PRCD: variants seen among roughly 807,000 people sequenced by gnomAD.
PRCD encodes photoreceptor disc component, also known as photoreceptor disk component PRCD.
A neutral mutation model predicts 10.1 loss-of-function variants in PRCD; 12 were observed. That is an observed-to-expected ratio of 1.18 (90% CI 0.76 to 1.92). The LOEUF (loss-of-function observed/expected upper bound fraction) is 1.92. Ranked by LOEUF, PRCD falls within the 40% of genes most tolerant of loss-of-function variation. PRCD has a pLI of 0.00. For missense variants in PRCD, 61 were observed against 72.2 expected (o/e 0.84, Z 0.56); for synonymous variants, 31 against 26.2 (o/e 1.18, Z -0.56).
upstream of PRCD, chr17:76,538,445 T>G: frequency 2.2e-6 from 1 of 464,926 alleles, no homozygotes; most frequent in Non-Finnish European, 4.5e-6. Flanking sequence ...CTCCATGCCC[T>G]CGGTGCACGA....
chr17:76,540,175 G>A lies in PRCD; in HGVS notation c.34G>A (p.Ala12Thr), dbSNP rs779911519. The stretch of plus-strand genomic sequence containing the variant: ...CACCCTTTTCCTGCTCAGCACCCTG[G>A]CCATGCTCTGGCGCCGCCGATTTGC... The part of the protein sequence containing the change: ...CTTLFLLSTL[A>T]MLWRRRFANR... The change falls in exon 1 of 5, where the codon GCC (alanine) becomes ACC (threonine). Residue 12 changes from alanine (A) to threonine (T), a missense_variant. By Grantham distance (58) the Ala-to-Thr change is moderately conservative. Coordinates refer to ENST00000592014, the MANE Select transcript of PRCD (RefSeq NM_001077620.3). This position sits in a 1 kb window ranked among gnomAD's most constrained non-coding sequence, Gnocchi z 5.0. 9.4e-6 allele frequency: 15 copies of A among 1,597,190 alleles called. No individual in the cohort carries two copies. The East Asian group carries it at 2.5e-4, about 27-fold the overall frequency.
chr17:76,538,864 A>G (rs893853883), upstream of PRCD, among the ~76,000 whole-genome samples: 13 of 152,264 alleles, frequency 8.5e-5, no homozygotes, highest in African/African-American at 2.7e-4. Flanking sequence ...TCCTCGCTCA[A>G]GACTTGATGT....
Position 76,540,576 on chromosome 17 carries a change from A to G in PRCD, c.143+3A>G, listed in dbSNP as rs1319505764. On this transcript the variant is annotated splice_donor_region_variant and intron_variant, in intron 2 of 4. Transcript: ENST00000592014. This position sits in a 1 kb window ranked among gnomAD's most constrained non-coding sequence, Gnocchi z 5.0. ...GCGGACCCTCAGTCCTCAGGCAGGT[A>G]AGGCAGGAGTCTGGGCTGGGGGAGG... The G allele has an allele frequency of 3.7e-6, 6 of 1,613,032 alleles. No homozygotes were observed. In the African/African-American group the frequency reaches 6.7e-5, roughly 18 times the overall value.
At position 76,533,100 on chromosome 17, in the gene PRCD, C is replaced by T. The variant is rs1404176649; in HGVS notation, n.45+5267C>T. 6.6e-6 allele frequency among the ~76,000 whole-genome samples: 1 copy of T among 152,188 alleles called. No individual in the cohort carries two copies. The highest frequency in any genetic ancestry group is 1.5e-5 in the Non-Finnish European group (1 of 68,032). On this transcript the variant is annotated intron_variant and non_coding_transcript_variant, in intron 1 of 4. Coordinates refer to the PRCD transcript ENST00000397633. The surrounding 1 kb of genome is among the most constrained non-coding windows in gnomAD (Gnocchi z 4.5). ...AACAGATGCGGAGAGGGCATCTGGC[C>T]GGGTCATCCCTGCTGCTGGTGGAAC...
Position 76,530,965 on chromosome 17 carries a change from G to C in PRCD, n.45+3132G>C. The C allele has an allele frequency of 1.3e-6, 2 of 1,565,154 alleles. No homozygotes were observed. The highest frequency in any genetic ancestry group is 1.7e-6 in the Non-Finnish European group (2 of 1,153,362). On this transcript the variant is annotated intron_variant and non_coding_transcript_variant, in intron 1 of 4. Coordinates refer to the PRCD transcript ENST00000397633. This position sits in a 1 kb window ranked among gnomAD's most constrained non-coding sequence, Gnocchi z 6.1. Reference sequence around the variant, plus strand: ...CGGGGAGGCTGCCCAGCCCACCCTCGCCCGCCTCCTCACGTGGTGGCGTTG... The same window carrying C: ...CGGGGAGGCTGCCCAGCCCACCCTCCCCCGCCTCCTCACGTGGTGGCGTTG...
Position 76,528,184 on chromosome 17 carries a change from T to C in PRCD, n.45+351T>C. 1 of 397,292 alleles carries C rather than the reference T, an allele frequency of 2.5e-6. No individual in the cohort carries two copies. The highest frequency in any genetic ancestry group is 4.4e-6 in the Non-Finnish European group (1 of 226,052). 24.6% of individuals were successfully genotyped at this position (397,292 alleles called of 1,614,324 possible). A position where few individuals can be genotyped will look rare whatever the true frequency, so the allele number is the denominator to read the frequency against. ...ATATAGAATATATCTGTATATATGGTAGATGTGTGCGTGATACTCTAGATG... is the reference window on the plus strand; with the variant it reads ...ATATAGAATATATCTGTATATATGGCAGATGTGTGCGTGATACTCTAGATG... On this transcript the variant is annotated intron_variant and non_coding_transcript_variant, in intron 1 of 4. Coordinates refer to the PRCD transcript ENST00000397633. The surrounding 1 kb of genome is among the most constrained non-coding windows in gnomAD (Gnocchi z 5.8).
rs2143075057 is a variant in PRCD, at chr17:76,530,278, T to C, written n.45+2445T>C. ...CCCTTGGGGGCCCAGGGAGGCCGAG[T>C]GTTCCCAACCGCCACATCTGGGGGC... is the stretch of plus-strand genomic sequence containing the variant. On this transcript the variant is annotated intron_variant and non_coding_transcript_variant, in intron 1 of 4. Transcript: ENST00000397633. The surrounding 1 kb of genome is among the most constrained non-coding windows in gnomAD (Gnocchi z 6.1). 6.6e-6 allele frequency among the ~76,000 whole-genome samples: 1 copy of C among 151,526 alleles called. No homozygotes were observed. The highest frequency in any genetic ancestry group is 6.6e-5 in the Admixed American group (1 of 15,224).
chr17:76,539,538 T>G (rs898847459), upstream of PRCD, among the ~76,000 whole-genome samples: 2 of 152,206 alleles, frequency 1.3e-5, no homozygotes, highest in African/African-American at 4.8e-5. Flanking sequence ...TCTCTCTGGC[T>G]TCATTATCCA....
In PRCD at chr17:76,529,899, G is replaced by A. The variant is rs1022246696; in HGVS notation, n.45+2066G>A. On this transcript the variant is annotated intron_variant and non_coding_transcript_variant, in intron 1 of 4. Coordinates refer to the PRCD transcript ENST00000397633. Reference sequence around the variant, plus strand: ...CCGAGGACTCCACTCTCTTGGGGTGGTGCTGACGGGAGAGGGGGGAGGGGA... The same window carrying A: ...CCGAGGACTCCACTCTCTTGGGGTGATGCTGACGGGAGAGGGGGGAGGGGA... 7 of 985,152 alleles carry A rather than the reference G, an allele frequency of 7.1e-6. No homozygotes were observed. In the South Asian group the frequency reaches 2.3e-4, roughly 33 times the overall value. 61.0% of individuals were successfully genotyped at this position (985,152 alleles called of 1,614,324 possible).
rs1197239379 is a variant in PRCD, at chr17:76,544,454, C to T, written c.*804C>T. 2.0e-5 allele frequency: 9 copies of T among 455,104 alleles called. No individual in the cohort carries two copies. The highest frequency in any genetic ancestry group is 4.0e-5 in the African/African-American group (2 of 50,046). The allele number at this position is 455,104 out of a possible 1,614,324, so 28.2% of individuals were successfully genotyped here. On this transcript the variant is annotated 3_prime_UTR_variant, in exon 5 of 5. Coordinates refer to ENST00000592014, the MANE Select transcript of PRCD (RefSeq NM_001077620.3). ...GGTGCACCCCGCTGGGGAGGGCCTG[C>T]TGGTACCTCGGGGAGCCTGGCTGGG...
At position 76,540,266 on chromosome 17, in the gene PRCD, T is replaced by TGGGGGGGGGGGGGGGG. The variant is rs2074974709; in HGVS notation, c.74+55_74+56insGGGGGGGGGGGGGGGG. 2.9e-6 allele frequency: 1 copy of TGGGGGGGGGGGGGGGG among 343,106 alleles called. No homozygotes were observed. The allele number at this position is 343,106 out of a possible 1,614,324, so 21.3% of individuals were successfully genotyped here. A position where few individuals can be genotyped will look rare whatever the true frequency, so the allele number is the denominator to read the frequency against. ...GGCGGTTGGTCGGGGGGGGGGGGCA[T>TGGGGGGGGGGGGGGGG]GGGGCTGGGCTGCCACCAAGCTGAA... On this transcript the variant is annotated intron_variant, in intron 1 of 4. Transcript: ENST00000592014. The surrounding 1 kb of genome is among the most constrained non-coding windows in gnomAD (Gnocchi z 5.0).
downstream of PRCD, chr17:76,545,586 C>T (rs2075046612): frequency 2.9e-6 from 1 of 344,544 alleles, no homozygotes; most frequent in Admixed American, 3.8e-5. Context: ...AGAGTCAGAG[C>T]TCCTGGGTTT....
At position 76,528,127 on chromosome 17, in the gene PRCD, T is replaced by C. The variant is rs2074788838; in HGVS notation, n.45+294T>C. 2 of 321,678 alleles carry C rather than the reference T, an allele frequency of 6.2e-6. No individual in the cohort carries two copies. The highest frequency in any genetic ancestry group is 9.2e-5 in the Admixed American group (2 of 21,758). 19.9% of individuals were successfully genotyped at this position (321,678 alleles called of 1,614,324 possible). A position where few individuals can be genotyped will look rare whatever the true frequency, so the allele number is the denominator to read the frequency against. Reference sequence around the variant, plus strand: ...TTCTAGATATGTATGTGTGTATATATATATGTATATATATATTTATATATA... The same window carrying C: ...TTCTAGATATGTATGTGTGTATATACATATGTATATATATATTTATATATA... On this transcript the variant is annotated intron_variant and non_coding_transcript_variant, in intron 1 of 4. Coordinates refer to the PRCD transcript ENST00000397633. This position sits in a 1 kb window ranked among gnomAD's most constrained non-coding sequence, Gnocchi z 5.8.
At position 76,528,918 on chromosome 17, in the gene PRCD, A is replaced by C; in HGVS notation, n.45+1085A>C. ...TCACAAACTGCAAAGCACGATACCAATGTGAGCTCTTTTTCCATTAATTCT... is the reference window on the plus strand; with the variant it reads ...TCACAAACTGCAAAGCACGATACCACTGTGAGCTCTTTTTCCATTAATTCT... On this transcript the variant is annotated intron_variant and non_coding_transcript_variant, in intron 1 of 4. Coordinates refer to the PRCD transcript ENST00000397633. The surrounding 1 kb of genome is among the most constrained non-coding windows in gnomAD (Gnocchi z 5.8). 1 of 1,163,108 alleles carries C rather than the reference A, an allele frequency of 8.6e-7. No individual in the cohort carries two copies. 72.0% of individuals were successfully genotyped at this position (1,163,108 alleles called of 1,614,324 possible).
At position 76,540,397 on chromosome 17, in the gene PRCD, C is replaced by G. The variant is rs2143143805; in HGVS notation, c.75-108C>G. ...AGGGGGACTTAGAGCTTCAAAGGCT[C>G]TAGTTGCAGCCTCTACTCCCATAGC... On this transcript the variant is annotated intron_variant, in intron 1 of 4. Coordinates refer to ENST00000592014, the MANE Select transcript of PRCD (RefSeq NM_001077620.3). This position sits in a 1 kb window ranked among gnomAD's most constrained non-coding sequence, Gnocchi z 5.0. 1 of 1,358,294 alleles carries G rather than the reference C, an allele frequency of 7.4e-7. No homozygotes were observed. Among genetic ancestry groups the G allele is most frequent in the South Asian group, 1.2e-5 (1 of 85,404 alleles). 84.1% of individuals were successfully genotyped at this position (1,358,294 alleles called of 1,614,324 possible).
chr17:76,539,370 C>T (rs2074960279), upstream of PRCD, among the ~76,000 whole-genome samples: 1 of 152,190 alleles, frequency 6.6e-6, no homozygotes, highest in African/African-American at 2.4e-5. Flanking sequence ...TGAATCTGTA[C>T]AGTAGTCTAG....
At chr17:76,537,831 C>T (rs1350917252), upstream of PRCD, 1 of 153,090 alleles carries the variant, frequency 6.5e-6, no homozygotes, top group African/African-American at 2.4e-5. Context: ...CCCCCAGCCC[C>T]GTGTGGGTAA....
At position 76,528,236 on chromosome 17, in the gene PRCD, G is replaced by A. The variant is rs564484579; in HGVS notation, n.45+403G>A. ...TGATGTGGAGACCTGCATGCTGGCC[G>A]GGCTGATAGAAACGGGGCTGGTTTA... On this transcript the variant is annotated intron_variant and non_coding_transcript_variant, in intron 1 of 4. Coordinates refer to the PRCD transcript ENST00000397633. This position sits in a 1 kb window ranked among gnomAD's most constrained non-coding sequence, Gnocchi z 5.8. 38 of 398,688 alleles carry A rather than the reference G, an allele frequency of 9.5e-5. No homozygotes were observed. In the East Asian group the frequency reaches 1.1e-3, roughly 11 times the overall value. 24.7% of individuals were successfully genotyped at this position (398,688 alleles called of 1,614,324 possible).
chr17:76,551,916 G>C (rs2075112178), intron 1 of PRCD: 1 of 151,954 alleles, frequency 6.6e-6, no homozygotes, highest in Non-Finnish European at 1.5e-5. Context: ...GAAGGTGGGG[G>C]GGTGGGGGAT....
Sources: gnomAD v4.1 joint callset for allele counts (sites outside exome capture counted in the v4.1 genomes callset) on GRCh38, gnomAD v4.1.1 for gene constraint, Gnocchi (gnomAD v3.1) non-coding constraint, MANE v1.5 for transcripts, NCBI Gene and HGNC (gene_info 2026-07-23, HGNC 2026-07-21) for gene names.